Variants in PRKG1 observed in about 807,000 individuals in gnomAD.
PRKG1 encodes the protein cGMP-dependent protein kinase 1.
Under a neutral mutation model 88.1 loss-of-function variants are expected in PRKG1, and 35 were observed. The ratio of observed to expected loss-of-function variants is 0.40; its 90% CI spans 0.30 to 0.53. The LOEUF is 0.53. Among genes scored for constraint, PRKG1 ranks in the 20% least tolerant of loss-of-function variants. The probability of loss-of-function intolerance (pLI) is 0.59; values close to 1 mark genes in which losing one functional copy is unlikely to be tolerated. For missense variants in PRKG1, 540 were observed against 839.8 expected, an observed-to-expected ratio of 0.64 and a Z score of 4.41; for synonymous variants, 303 against 292.5, an observed-to-expected ratio of 1.04 and a Z score of -0.37.
intron 2 of PRKG1, among the ~76,000 whole-genome samples, chr10:51,459,343 C>T (rs1215124325): frequency 1.3e-5 from 2 of 152,094 alleles, no homozygotes; most frequent in Non-Finnish European, 2.9e-5. Flanking sequence ...CTTTCAGTCT[C>T]TGAAGTATGA....
At chr10:51,559,194 A>C (rs1837393172) in intron 3 of PRKG1, among the ~76,000 whole-genome samples, 1 of 151,990 alleles carries the variant, frequency 6.6e-6, no homozygotes. Flanking sequence ...ATAAAGGGGG[A>C]CTTCTGCAAA....
intron 17 of PRKG1, among the ~76,000 whole-genome samples, chr10:52,292,868 T>C (rs1842284237): frequency 6.6e-6 from 1 of 151,974 alleles, no homozygotes; most frequent in South Asian, 2.1e-4. Flanking sequence ...GGATGCCCTC[T>C]CTCACCACTC....
rs886745954 is a variant in PRKG1, at chr10:52,277,795, G to A, written c.1404-2994G>A. Among the ~76,000 whole-genome samples, 3 of 152,110 alleles carry A rather than the reference G, an allele frequency of 2.0e-5. No homozygotes were observed. In the East Asian group the frequency reaches 5.8e-4, roughly 29 times the overall value. ...GTATAATATTCTGCAGACATTTCAT[G>A]AGAAATTGATCTCTCACCTAAGCAT... On this transcript the variant is annotated intron_variant, in intron 12 of 17. Transcript: ENST00000373980.
intron 3 of PRKG1, among the ~76,000 whole-genome samples, chr10:51,755,240 T>C (rs1414193015): frequency 1.3e-5 from 2 of 152,158 alleles, no homozygotes; most frequent in African/African-American, 4.8e-5. Context: ...AAGGAGAAGG[T>C]GTCCCTATCT....
At chr10:51,958,009 T>C (rs896228365) in intron 5 of PRKG1, among the ~76,000 whole-genome samples, 2 of 152,152 alleles carry the variant, frequency 1.3e-5, no homozygotes, top group South Asian at 2.1e-4. Context: ...TAGAGTATCA[T>C]TGATAATTTT....
intron 1 of PRKG1, among the ~76,000 whole-genome samples, chr10:51,025,627 G>A (rs1325419102): frequency 3.3e-5 from 5 of 152,166 alleles, no homozygotes; most frequent in Non-Finnish European, 5.9e-5. Flanking sequence ...TTGGCTGCAA[G>A]TTTGGTCCCC....
intron 7 of PRKG1, 185 bp downstream of exon 7, chr10:52,062,816 G>T (rs1338920752): frequency 2.8e-6 from 2 of 721,910 alleles, no homozygotes; most frequent in Admixed American, 4.0e-5. Context: ...TGAATACGTT[G>T]TGGAATAAAT....
chr10:51,183,596 T>G (rs1450367946), intron 2 of PRKG1, among the ~76,000 whole-genome samples: 1 of 152,140 alleles, frequency 6.6e-6, no homozygotes, highest in Non-Finnish European at 1.5e-5. Flanking sequence ...GAGAGGTAAA[T>G]CTACTTACCC....
intron 1 of PRKG1, among the ~76,000 whole-genome samples, chr10:51,013,528 C>T (rs1363814891): frequency 6.6e-6 from 1 of 152,022 alleles, no homozygotes; most frequent in Non-Finnish European, 1.5e-5. Flanking sequence ...GTAGCTGTGA[C>T]TACAGGTGCA....
rs142245781 is a variant in PRKG1, at chr10:51,019,929, A to C, written c.266+28285A>C. ...CATCACTAGCCATTAGGGAAATACA[A>C]ATCAAAACTATGAGATGCTACTTCA... On this transcript the variant is annotated intron_variant, in intron 1 of 17. Coordinates refer to the PRKG1 transcript ENST00000401604. Among the ~76,000 whole-genome samples the C allele has an allele frequency of 3.3e-3, 509 of 152,266 alleles. 4 individuals carry two copies. Among genetic ancestry groups the C allele is most frequent in the African/African-American group, 0.012 (481 of 41,556 alleles).
chr10:51,697,762 A>AG, intron 3 of PRKG1: 1 of 1,614,148 alleles, frequency 6.2e-7, no homozygotes, highest in Non-Finnish European at 8.5e-7. Flanking sequence ...GCCTTTGCTC[A>AG]GGGGGCAGCA....
chr10:52,024,696 A>G (rs1377297721), intron 5 of PRKG1, among the ~76,000 whole-genome samples: 1 of 152,142 alleles, frequency 6.6e-6, no homozygotes, highest in Non-Finnish European at 1.5e-5. Context: ...TCCATGGTGT[A>G]TATGTACCAC....
chr10:51,721,149 G>A (rs1842001890), intron 3 of PRKG1, among the ~76,000 whole-genome samples: 1 of 114,718 alleles, frequency 8.7e-6, no homozygotes, highest in Admixed American at 8.1e-5. Context: ...GGAGGTTGAG[G>A]CTGCAGTGAG....
intron 3 of PRKG1, among the ~76,000 whole-genome samples, chr10:51,747,594 C>G (rs1033110676): frequency 1.3e-5 from 2 of 152,190 alleles, no homozygotes; most frequent in Non-Finnish European, 2.9e-5. Context: ...CAATAGATTA[C>G]TGACACCAGG....
At chr10:51,147,613 AAGTT>A (rs200848531) in intron 1 of PRKG1, among the ~76,000 whole-genome samples, 197 of 152,316 alleles carry the variant, frequency 1.3e-3, no homozygotes, top group African/African-American at 4.6e-3. Flanking sequence ...TGCAGGAAAA[AAGTT>A]AGAAGGCAAT....
At chr10:51,168,129 G>A (rs1008392397) in intron 2 of PRKG1, among the ~76,000 whole-genome samples, 1 of 152,114 alleles carries the variant, frequency 6.6e-6, no homozygotes, top group African/African-American at 2.4e-5. Flanking sequence ...TAAAGCAGCA[G>A]TTCTGAAAGT....
chr10:51,598,587 T>A (rs925190231), intron 3 of PRKG1, among the ~76,000 whole-genome samples: 4 of 152,190 alleles, frequency 2.6e-5, no homozygotes, highest in Non-Finnish European at 5.9e-5. Flanking sequence ...TATAATAGAT[T>A]AGTCACTCGA....
intron 3 of PRKG1, among the ~76,000 whole-genome samples, chr10:51,708,347 C>G (rs1364699672): frequency 1.3e-5 from 2 of 152,106 alleles, no homozygotes; most frequent in African/African-American, 4.8e-5. Context: ...GGCTCTGTCT[C>G]TAAATACAGT....
At chr10:51,852,491 G>GCTCCA (rs1840585297) in intron 4 of PRKG1, among the ~76,000 whole-genome samples, 1 of 151,994 alleles carries the variant, frequency 6.6e-6, no homozygotes, top group Non-Finnish European at 1.5e-5. Context: ...AAACATAGCA[G>GCTCCA]CTCCATGTGG....
Sources: allele counts gnomAD v4.1 joint callset (sites outside exome capture counted in the v4.1 genomes callset), GRCh38; gene constraint gnomAD v4.1.1; transcripts MANE v1.5; gene names NCBI Gene and HGNC (gene_info 2026-07-23, HGNC 2026-07-21).